GRIN2B: variants seen among roughly 807,000 people sequenced by gnomAD.
The protein encoded by GRIN2B is glutamate receptor ionotropic, NMDA 2B.
Under a neutral mutation model 114.5 loss-of-function variants are expected in GRIN2B, and 5 were observed. That is an observed-to-expected ratio of 0.04 (90% confidence interval 0.02 to 0.09). The LOEUF (loss-of-function observed/expected upper bound fraction) is 0.09, where lower values mean the gene tolerates loss of function less well. GRIN2B is among the 10% of genes least tolerant of loss of function. The probability of loss-of-function intolerance (pLI) is 1.00; values close to 1 mark genes in which losing one functional copy is unlikely to be tolerated. For synonymous variants in GRIN2B, 787 were observed against 745.1 expected (o/e 1.06, Z -0.92); for missense variants, 1,108 against 1,943.5 (o/e 0.57, Z 8.08).
chr12:13,843,250 C>G (rs1343412123), intron 3 of GRIN2B, among the ~76,000 whole-genome samples: 2 of 151,612 alleles, frequency 1.3e-5, no homozygotes, highest in Non-Finnish European at 2.9e-5. Context: ...CACACTCGCA[C>G]AGACACACAC....
At chr12:13,807,331 G>A (rs1177276586) in intron 3 of GRIN2B, among the ~76,000 whole-genome samples, 2 of 152,076 alleles carry the variant, frequency 1.3e-5, no homozygotes, top group East Asian at 3.9e-4. Flanking sequence ...GTGGACAATT[G>A]CATAAAGTCC....
Position 13,607,889 on chromosome 12 carries a change from G to T in GRIN2B, c.2010+714C>A, listed in dbSNP as rs902574394. On this transcript the variant is annotated intron_variant, in intron 10 of 13. Transcript: ENST00000609686. Reference sequence around the variant, plus strand: ...TAGTCCTGGTTACATAGTTTCAGGAGACAGATCTCCCATGGAAAATGTGAT... The same window carrying T: ...TAGTCCTGGTTACATAGTTTCAGGATACAGATCTCCCATGGAAAATGTGAT... Among the ~76,000 whole-genome samples the T allele has an allele frequency of 3.3e-5, 5 of 152,252 alleles. 1 individual carries two copies. Among genetic ancestry groups the T allele is most frequent in the Admixed American group, 1.3e-4 (2 of 15,292 alleles).
chr12:13,604,623 A>G (rs1426682041), intron 10 of GRIN2B, among the ~76,000 whole-genome samples: 1 of 152,096 alleles, frequency 6.6e-6, no homozygotes, highest in Non-Finnish European at 1.5e-5. Flanking sequence ...TCTCAACATT[A>G]TTGTTTGAAT....
intron 2 of GRIN2B, among the ~76,000 whole-genome samples, chr12:13,934,347 A>G (rs1372901731): frequency 6.6e-6 from 1 of 152,238 alleles, no homozygotes; most frequent in Non-Finnish European, 1.5e-5. Flanking sequence ...AACTATTTGG[A>G]AACAGGGTTA....
In GRIN2B at chr12:13,564,237, C is replaced by T. The variant is rs1948602794; in HGVS notation, c.3001G>A (p.Asp1001Asn). 6 of 1,614,124 alleles carry T rather than the reference C, an allele frequency of 3.7e-6. No individual in the cohort carries two copies. Among genetic ancestry groups the T allele is most frequent in the Non-Finnish European group, 5.1e-6 (6 of 1,180,032 alleles). Residue 1001 changes from aspartate (D) to asparagine (N), a missense_variant, in exon 14 of 14, where the codon GAT (aspartate) becomes AAT (asparagine). By Grantham distance (23) the Asp-to-Asn change is conservative. Transcript: ENST00000609686. This position sits in a 1 kb window ranked among gnomAD's most constrained non-coding sequence, Gnocchi z 4.8. ...GGGTTGTCACAGTCGTAGAGCCCAT[C>T]GATGGAGCTGGCACTGCCAATACTA... is the stretch of plus-strand genomic sequence containing the variant. ...PHSIGSASSIDGLYDCDNPPF... is the reference protein window; with the variant it reads ...PHSIGSASSINGLYDCDNPPF...
chr12:13,968,253 A>G (rs372768957), intron 2 of GRIN2B, among the ~76,000 whole-genome samples: 1 of 152,232 alleles, frequency 6.6e-6, no homozygotes, highest in Admixed American at 6.5e-5. Context: ...CACATCATAC[A>G]TTGAAAACTG....
At chr12:13,681,364 G>C (rs757238577) in intron 4 of GRIN2B, among the ~76,000 whole-genome samples, 22 of 152,150 alleles carry the variant, frequency 1.4e-4, no homozygotes, top group Non-Finnish European at 2.8e-4. Context: ...CCCTAGTCCG[G>C]TGTTCTTTCC....
intron 3 of GRIN2B, among the ~76,000 whole-genome samples, chr12:13,754,755 C>T (rs775318651): frequency 1.1e-4 from 17 of 152,142 alleles, no homozygotes; most frequent in Non-Finnish European, 2.1e-4. Context: ...AGAAGATATG[C>T]TCTTTCTCTG....
chr12:13,850,387 C>T (rs900845851), intron 3 of GRIN2B, among the ~76,000 whole-genome samples: 1 of 152,138 alleles, frequency 6.6e-6, no homozygotes, highest in Non-Finnish European at 1.5e-5. Context: ...GGATCAAATC[C>T]TGGGGCATCC....
intron 4 of GRIN2B, among the ~76,000 whole-genome samples, chr12:13,729,433 A>C (rs1417091194): frequency 2.6e-5 from 4 of 152,098 alleles, no homozygotes; most frequent in Admixed American, 6.6e-5. Flanking sequence ...TTGTATGATG[A>C]AGATTTTCAA....
At chr12:13,861,464 G>A (rs1048937026) in intron 3 of GRIN2B, among the ~76,000 whole-genome samples, 13 of 152,166 alleles carry the variant, frequency 8.5e-5, no homozygotes, top group African/African-American at 3.1e-4. Context: ...ATCTCAGGGA[G>A]AATAAAAGCA....
chr12:13,834,218 T>C lies in GRIN2B; in HGVS notation c.411+31580A>G, dbSNP rs868002395. On this transcript the variant is annotated intron_variant, in intron 3 of 13. Coordinates refer to ENST00000609686, the MANE Select transcript of GRIN2B (RefSeq NM_000834.5). ...GCTAATTTTTTTTTTTTTTTTTTTT[T>C]AGTAGAGATGGGGTTTCACCGTGTT... Among the ~76,000 whole-genome samples, 104 of 146,584 alleles carry C rather than the reference T, an allele frequency of 7.1e-4. 1 individual carries two copies. In the Middle Eastern group the frequency reaches 0.01, roughly 15 times the overall value.
rs562105252 is a variant in GRIN2B at position 13,659,887 on chromosome 12, G to A, written c.1125+15858C>T. On this transcript the variant is annotated intron_variant, in intron 5 of 13. Transcript: ENST00000609686. The stretch of plus-strand genomic sequence containing the variant: ...GTGTAAAAAGTTATAAAACTTAGTG[G>A]TATAAAGCACAAATATTGATTATCC... 2.0e-5 allele frequency among the ~76,000 whole-genome samples: 3 copies of A among 152,214 alleles called. No homozygotes were observed. In the South Asian group the frequency reaches 6.2e-4, roughly 32 times the overall value.
At chr12:13,791,736 AC>A (rs747828341) in intron 3 of GRIN2B, among the ~76,000 whole-genome samples, 4 of 152,214 alleles carry the variant, frequency 2.6e-5, no homozygotes, top group Non-Finnish European at 5.9e-5. Flanking sequence ...TACAGGTGAT[AC>A]ATTCATATAA....
At chr12:13,691,169 G>A (rs973726020) in intron 4 of GRIN2B, among the ~76,000 whole-genome samples, 3 of 151,992 alleles carry the variant, frequency 2.0e-5, no homozygotes, top group African/African-American at 7.3e-5. Flanking sequence ...TCACAGCAAG[G>A]TGAGGGTGAA....
At chr12:13,616,227 C>T (rs190050158) in intron 6 of GRIN2B, among the ~76,000 whole-genome samples, 48 of 152,200 alleles carry the variant, frequency 3.2e-4, no homozygotes, top group Admixed American at 3.0e-3. Flanking sequence ...CAAGCAAGAC[C>T]GAAGAAACTT....
intron 10 of GRIN2B, among the ~76,000 whole-genome samples, chr12:13,593,468 G>A (rs990752809): frequency 3.3e-5 from 5 of 152,144 alleles, no homozygotes; most frequent in Non-Finnish European, 5.9e-5. Context: ...TTTAATAAAT[G>A]GTGTTGGGAA....
chr12:13,786,646 A>AT lies in GRIN2B; in HGVS notation c.412-32732dup, dbSNP rs546735455. Among the ~76,000 whole-genome samples the AT allele has an allele frequency of 5.6e-3, 856 of 151,776 alleles. 5 individuals carry two copies. Among genetic ancestry groups the AT allele is most frequent in the Middle Eastern group, 0.031 (9 of 294 alleles). ...GCCTGGTGAACCAGGAATATACCAGATTTTTCCCACAGGTATCAGGGCTGA... is the reference window on the plus strand; with the variant it reads ...GCCTGGTGAACCAGGAATATACCAGATTTTTTCCCACAGGTATCAGGGCTGA... On this transcript the variant is annotated intron_variant, in intron 3 of 13. Transcript: ENST00000609686.
At chr12:13,817,428 G>A (rs913828492) in intron 3 of GRIN2B, among the ~76,000 whole-genome samples, 21 of 152,078 alleles carry the variant, frequency 1.4e-4, no homozygotes, top group Admixed American at 9.8e-4. Context: ...CCAGCAGCAC[G>A]GTCCACACAC....
Sources: allele counts gnomAD v4.1 joint callset (sites outside exome capture counted in the v4.1 genomes callset), GRCh38; gene constraint gnomAD v4.1.1; non-coding constraint Gnocchi (gnomAD v3.1); transcripts MANE v1.5; gene names NCBI Gene and HGNC (gene_info 2026-07-23, HGNC 2026-07-21).